HOXA3: variants seen among roughly 807,000 people sequenced by gnomAD.
HOXA3 encodes the protein homeobox protein Hox-A3.
A neutral mutation model predicts 30.3 loss-of-function variants in HOXA3; 8 were observed. That is an observed-to-expected ratio of 0.26 (90% CI 0.15 to 0.48). The LOEUF is 0.48. HOXA3 is among the 20% of genes least tolerant of loss of function. The pLI is 0.99. For missense variants in HOXA3, 653 were observed against 614.4 expected (o/e 1.06, Z -0.66); for synonymous variants, 323 against 273.1 (o/e 1.18, Z -1.80).
chr7:27,114,827 A>AATATATATT lies in HOXA3; in HGVS notation c.-120-4076_-120-4068dup, dbSNP rs1491439396. Among the ~76,000 whole-genome samples the AATATATATT allele has an allele frequency of 4.1e-5, 4 of 98,518 alleles. 1 individual carries two copies. The highest frequency in any genetic ancestry group is 5.9e-5 in the Non-Finnish European group (3 of 50,506). The allele number at this position is 98,518 out of a possible 152,430, so 64.6% of individuals were successfully genotyped here. On this transcript the variant is annotated intron_variant, in intron 4 of 5. Transcript: ENST00000612286. ...ATTCCTAAAACATACATATATATAT[A>AATATATATT]ATATATATTATATATATAATATATA...
Position 27,107,997 on chromosome 7 carries a change from G to C in HOXA3, c.1250C>G (p.Pro417Arg). Residue 417 changes from proline to arginine, a missense_variant, in exon 6 of 6, where the codon CCG becomes CGG. By Grantham distance (103) the Pro-to-Arg change is moderately radical (BLOSUM62 -2). This residue lies in a region of HOXA3 where 330 missense variants were observed against 274.4 expected (regional missense o/e 1.20). Transcript: ENST00000612286. ...GHHHGPGPGE[P>R]HPTYTDLTGH... is the part of the protein sequence containing the mutation. The stretch of plus-strand genomic sequence containing the variant: ...GGTAAGGTCCGTGTAGGTGGGGTGC[G>C]GCTCCCCAGGCCCCGGCCCGTGGTG... 1 of 1,611,820 alleles carries C rather than the reference G, an allele frequency of 6.2e-7. No homozygotes were observed. Among genetic ancestry groups the C allele is most frequent in the Non-Finnish European group, 8.5e-7 (1 of 1,178,558 alleles).
intron 4 of HOXA3, among the ~76,000 whole-genome samples, chr7:27,116,861 T>C (rs937662673): frequency 3.3e-5 from 5 of 152,234 alleles, no homozygotes; most frequent in Non-Finnish European, 7.3e-5. Flanking sequence ...ACTTGGTTAC[T>C]GCCGAGGCCG....
intron 4 of HOXA3, chr7:27,119,546 T>G (rs1361619195): frequency 6.6e-6 from 1 of 152,196 alleles, no homozygotes; most frequent in Non-Finnish European, 1.5e-5. Flanking sequence ...AATCTTCTCT[T>G]TTCTGGTCTT....
At chr7:27,145,963 G>T in intron 1 of HOXA3, 1 of 1,584,506 alleles carries the variant, frequency 6.3e-7, no homozygotes, top group Admixed American at 1.7e-5. Flanking sequence ...GGCCTGGAGG[G>T]TTGACCCAGT....
chr7:27,140,045 T>C (rs1468939505), intron 2 of HOXA3, 38 bp downstream of exon 2: 1 of 130,688 alleles, frequency 7.7e-6, no homozygotes, highest in Non-Finnish European at 1.6e-5. Context: ...GTTTCCAAAG[T>C]ACAAATAAAC....
chr7:27,142,186 T>G, intron 1 of HOXA3: 1 of 1,337,514 alleles, frequency 7.5e-7, no homozygotes. Context: ...GGCGAAAAGC[T>G]CAACAAGTTC....
chr7:27,151,473 A>T (rs2128064785), intron 1 of HOXA3: 1 of 404,730 alleles, frequency 2.5e-6, no homozygotes, highest in Middle Eastern at 3.6e-4. Context: ...CTTCAACCTT[A>T]GCTGCGGGAC....
At chr7:27,136,168 C>T (rs1373832969) in intron 2 of HOXA3, among the ~76,000 whole-genome samples, 1 of 152,218 alleles carries the variant, frequency 6.6e-6, no homozygotes, top group South Asian at 2.1e-4. Context: ...GCAGTTGTAA[C>T]GCACTAACCG....
intron 1 of HOXA3, chr7:27,145,600 G>C (rs761560630): frequency 6.4e-7 from 1 of 1,569,580 alleles, no homozygotes; most frequent in Non-Finnish European, 8.6e-7. Flanking sequence ...GAACAGGCGA[G>C]GGCAAGGGGG....
At chr7:27,129,941 T>A in intron 2 of HOXA3, 1 of 691,170 alleles carries the variant, frequency 1.4e-6, no homozygotes, top group South Asian at 1.9e-5. Flanking sequence ...AGGGTTCTCA[T>A]GTTGGGATCA....
intron 2 of HOXA3, among the ~76,000 whole-genome samples, chr7:27,138,144 C>G (rs960740499): frequency 6.6e-6 from 1 of 152,212 alleles, no homozygotes; most frequent in Non-Finnish European, 1.5e-5. Flanking sequence ...GAGTTTATAT[C>G]CTTGTTCCCA....
chr7:27,110,020 C>T, intron 5 of HOXA3, 95 bp downstream of exon 5: 1 of 1,452,350 alleles, frequency 6.9e-7, no homozygotes, highest in Non-Finnish European at 9.6e-7. Flanking sequence ...TCCAGACATG[C>T]TCCATCGCTC....
intron 1 of HOXA3, chr7:27,147,534 G>A (rs764406083): frequency 1.2e-6 from 2 of 1,614,230 alleles, no homozygotes; most frequent in African/African-American, 1.3e-5. Context: ...CCCCGTACTC[G>A]TAGGACGCCC....
At chr7:27,146,471 A>G (rs565013389) in intron 1 of HOXA3, among the ~76,000 whole-genome samples, 4 of 152,308 alleles carry the variant, frequency 2.6e-5, no homozygotes, top group Non-Finnish European at 4.4e-5. Context: ...AACTCCCCCA[A>G]GGATAAAGTG....
chr7:27,129,062 T>C (rs1785399634), intron 2 of HOXA3: 1 of 691,476 alleles, frequency 1.4e-6, no homozygotes, highest in Non-Finnish European at 2.6e-6. Flanking sequence ...CAGCACAGAC[T>C]CTTAACCGGA....
In HOXA3 at chr7:27,115,930, G is replaced by A. The variant is rs574096052; in HGVS notation, c.-120-5170C>T. On this transcript the variant is annotated intron_variant, in intron 4 of 5. Coordinates refer to ENST00000612286, the MANE Select transcript of HOXA3 (RefSeq NM_153631.3). ...GACTGGCTTTGGAGCAAGCGTAGGC[G>A]AGATTATTTTAAAATAATAATTTAT... 2.6e-5 allele frequency: 4 copies of A among 152,790 alleles called. No homozygotes were observed. In the South Asian group the frequency reaches 8.3e-4, roughly 32 times the overall value. 9.5% of individuals were successfully genotyped at this position (152,790 alleles called of 1,614,324 possible). A position where few individuals can be genotyped will look rare whatever the true frequency, so the allele number is the denominator to read the frequency against.
chr7:27,132,792 C>T (rs570180144), intron 2 of HOXA3, among the ~76,000 whole-genome samples: 1 of 152,082 alleles, frequency 6.6e-6, no homozygotes, highest in Non-Finnish European at 1.5e-5. Flanking sequence ...TATAGACATA[C>T]GTATTACAAA....
rs1322078866 is a variant in HOXA3, at chr7:27,107,227, TAAAA to T, written c.*684_*687del. ...AAAGGAATTATATTTCTCTTTCAAA[TAAAA>T]AAAATTCTAAGTACGCCAATACACA... On this transcript the variant is annotated 3_prime_UTR_variant, in exon 6 of 6. Coordinates refer to ENST00000612286, the MANE Select transcript of HOXA3 (RefSeq NM_153631.3). 4 of 151,964 alleles carry T rather than the reference TAAAA, an allele frequency of 2.6e-5. No homozygotes were observed. The highest frequency in any genetic ancestry group is 4.4e-5 in the Non-Finnish European group (3 of 67,968). The allele number at this position is 151,964 out of a possible 1,614,324, so 9.4% of individuals were successfully genotyped here. A position where few individuals can be genotyped will look rare whatever the true frequency, so the allele number is the denominator to read the frequency against.
chr7:27,110,704 T>G lies in HOXA3; in HGVS notation c.-64A>C. 1 of 1,582,068 alleles carries G rather than the reference T, an allele frequency of 6.3e-7. No homozygotes were observed. ...GGTTTGACACCCGTGAGGGCGCACA[T>G]TGGCACGCCCCCGCGGTCACGTGAC... is the stretch of plus-strand genomic sequence containing the variant. On this transcript the variant is annotated 5_prime_UTR_variant, in exon 5 of 6. An upstream start codon of the reference 5' UTR is lost. Coordinates refer to ENST00000612286, the MANE Select transcript of HOXA3 (RefSeq NM_153631.3).
Sources: gnomAD v4.1 joint callset for allele counts (sites outside exome capture counted in the v4.1 genomes callset) on GRCh38, gnomAD v4.1.1 for gene constraint, gnomAD v4.1.1 regional missense constraint, MANE v1.5 for transcripts, NCBI Gene and HGNC (gene_info 2026-07-23, HGNC 2026-07-21) for gene names.